Variants in GSE1 observed in about 807,000 individuals in gnomAD.
GSE1 encodes Gse1 coiled-coil protein, also known as genetic suppressor element 1.
In GSE1, 32 loss-of-function variants were observed where a neutral mutation model predicts 112.6. That is an observed-to-expected ratio of 0.28 (90% CI 0.21 to 0.38). The LOEUF (loss-of-function observed/expected upper bound fraction) is 0.38, where lower values mean the gene tolerates loss of function less well. Among genes scored for constraint, GSE1 ranks in the 10% least tolerant of loss-of-function variants. The probability of loss-of-function intolerance (pLI) is 1.00; values close to 1 mark genes in which losing one functional copy is unlikely to be tolerated. For synonymous variants in GSE1, 1,115 were observed against 735.6 expected (o/e 1.52, Z -8.35); for missense variants, 2,348 against 1,699.2 (o/e 1.38, Z -6.71).
upstream of GSE1, among the ~76,000 whole-genome samples, chr16:85,606,866 G>GC (rs1428562973): frequency 2.6e-5 from 4 of 152,202 alleles, no homozygotes; most frequent in Non-Finnish European, 5.9e-5. Context: ...AGGATTCTCT[G>GC]CCCCCCATCA....
At chr16:85,547,485 T>A (rs1320595820) in intron 2 of GSE1, among the ~76,000 whole-genome samples, 1 of 152,216 alleles carries the variant, frequency 6.6e-6, no homozygotes, top group Non-Finnish European at 1.5e-5. Flanking sequence ...CTTTTGTCTG[T>A]TCCTCTTTTA....
chr16:85,523,190 C>G (rs1380292151), intron 2 of GSE1, among the ~76,000 whole-genome samples: 1 of 149,352 alleles, frequency 6.7e-6, no homozygotes, highest in African/African-American at 2.5e-5. Context: ...TGTGTCTGCC[C>G]TGTGTGTGTG....
At chr16:85,294,336 C>T (rs188227390) in intron 1 of GSE1, among the ~76,000 whole-genome samples, 7 of 152,342 alleles carry the variant, frequency 4.6e-5, no homozygotes, top group South Asian at 2.1e-4. Context: ...CCTGTACCCT[C>T]TGGAGTCTGC....
intron 2 of GSE1, among the ~76,000 whole-genome samples, chr16:85,431,493 A>G (rs1408248487): frequency 3.9e-5 from 6 of 152,246 alleles, no homozygotes; most frequent in African/African-American, 1.4e-4. Context: ...TGCAGGCCAC[A>G]CTTGCAGAGC....
chr16:85,664,022 G>A (rs958869097), intron 11 of GSE1, among the ~76,000 whole-genome samples: 1 of 152,258 alleles, frequency 6.6e-6, no homozygotes, highest in Non-Finnish European at 1.5e-5. Context: ...GTGGCCGGAG[G>A]CCTGGGGAAG....
chr16:85,606,227 C>T (rs1355822963), intron 1 of GSE1, among the ~76,000 whole-genome samples: 1 of 152,222 alleles, frequency 6.6e-6, no homozygotes, highest in Non-Finnish European at 1.5e-5. Flanking sequence ...GGCTTTACAT[C>T]ACCCATGTTG....
rs1173716100 is a variant in GSE1, at chr16:85,311,501, G to GGGGA, written c.2284-45945_2284-45942dup. Among the ~76,000 whole-genome samples the GGGGA allele has an allele frequency of 7.2e-5, 11 of 152,226 alleles. No homozygotes were observed. In the East Asian group the frequency reaches 7.7e-4, roughly 11 times the overall value. Reference sequence around the variant, plus strand: ...CGGCTGCCTCCCACCGTGGGACATTGGGGAGGGAGGGAGGGAGGGAAGGAG... The same window carrying GGGGA: ...CGGCTGCCTCCCACCGTGGGACATTGGGGAGGGAGGGAGGGAGGGAGGGAAGGAG... On this transcript the variant is annotated intron_variant, in intron 1 of 2. Transcript: ENST00000637419. The surrounding 1 kb of genome is among the most constrained non-coding windows in gnomAD (Gnocchi z 4.2).
At chr16:85,214,629 C>G (rs1475923042) in intron 1 of GSE1, among the ~76,000 whole-genome samples, 1 of 152,148 alleles carries the variant, frequency 6.6e-6, no homozygotes, top group Non-Finnish European at 1.5e-5. Context: ...TTCTTTGTCA[C>G]AGTTGCCTTG....
chr16:85,294,267 A>C (rs937106963), intron 1 of GSE1, among the ~76,000 whole-genome samples: 5 of 152,320 alleles, frequency 3.3e-5, no homozygotes, highest in African/African-American at 1.2e-4. Context: ...CTCCAGTCAG[A>C]GTCCACCTCT....
At chr16:85,310,906 G>T (rs1057425016) in intron 1 of GSE1, among the ~76,000 whole-genome samples, 1 of 152,170 alleles carries the variant, frequency 6.6e-6, no homozygotes, top group Non-Finnish European at 1.5e-5. Context: ...TCAGGGGCTG[G>T]GGATGGAGGG....
intron 1 of GSE1, among the ~76,000 whole-genome samples, chr16:85,172,983 G>A (rs1253089644): frequency 6.6e-6 from 1 of 152,208 alleles, no homozygotes; most frequent in Non-Finnish European, 1.5e-5. Context: ...TGACAGCTTT[G>A]GACTTTCAAG....
chr16:85,182,677 G>T (rs1489430362), intron 1 of GSE1, among the ~76,000 whole-genome samples: 1 of 152,128 alleles, frequency 6.6e-6, no homozygotes, highest in East Asian at 1.9e-4. Flanking sequence ...GGTGAACCAG[G>T]CCTGTCTTTA....
chr16:85,611,614 C>CG (rs1378830510), upstream of GSE1: 3 of 449,856 alleles, frequency 6.7e-6, no homozygotes, highest in Admixed American at 6.4e-5. Flanking sequence ...TTGTGCAAGG[C>CG]GGGGGGCCGG....
At chr16:85,448,839 TCC>T (rs1243513350) in intron 2 of GSE1, among the ~76,000 whole-genome samples, 1 of 152,174 alleles carries the variant, frequency 6.6e-6, no homozygotes, top group African/African-American at 2.4e-5. Flanking sequence ...GCCGAGCCTC[TCC>T]CAGGGCCTCC....
At chr16:85,226,595 T>A (rs1368293858) in intron 1 of GSE1, among the ~76,000 whole-genome samples, 1 of 152,054 alleles carries the variant, frequency 6.6e-6, no homozygotes, top group East Asian at 1.9e-4. Flanking sequence ...GGTTTCTTCT[T>A]AATAAGGTGA....
At chr16:85,247,470 G>A (rs180850824) in intron 1 of GSE1, among the ~76,000 whole-genome samples, 36 of 152,318 alleles carry the variant, frequency 2.4e-4, no homozygotes, top group Admixed American at 2.4e-3. Flanking sequence ...GACCGGGCCT[G>A]AGCCAGAGAG....
chr16:85,211,788 C>G (rs1459062509), intron 1 of GSE1, among the ~76,000 whole-genome samples: 1 of 152,240 alleles, frequency 6.6e-6, no homozygotes, highest in African/African-American at 2.4e-5. Flanking sequence ...CCGCTGCTGC[C>G]TCTTGCAGCT....
chr16:85,230,928 A>G (rs1318881691), intron 1 of GSE1, among the ~76,000 whole-genome samples: 5 of 149,102 alleles, frequency 3.4e-5, no homozygotes, highest in African/African-American at 5.0e-5. Context: ...TGGATGGATG[A>G]ATGAATGGAT....
intron 2 of GSE1, among the ~76,000 whole-genome samples, chr16:85,638,174 C>T (rs1044162885): frequency 2.6e-5 from 4 of 152,236 alleles, no homozygotes; most frequent in East Asian, 3.8e-4. Flanking sequence ...CCGCGTCTCT[C>T]CTCTCATTGT....
Sources: gnomAD v4.1 joint callset for allele counts (sites outside exome capture counted in the v4.1 genomes callset) on GRCh38, gnomAD v4.1.1 for gene constraint, Gnocchi (gnomAD v3.1) non-coding constraint, MANE v1.5 for transcripts, NCBI Gene and HGNC (gene_info 2026-07-23, HGNC 2026-07-21) for gene names.